The following DIP2C variants were observed in gnomAD, a reference collection of about 807,000 sequenced individuals.
DIP2C encodes DIP2 acetate--CoA ligase C (putative).
A neutral mutation model predicts 192.4 loss-of-function variants in DIP2C; 33 were observed. The observed-to-expected ratio is 0.17, with a 90% CI of 0.13 to 0.23. The LOEUF (loss-of-function observed/expected upper bound fraction) is 0.23, where lower values mean the gene tolerates loss of function less well. Among genes scored for constraint, DIP2C ranks in the 10% least tolerant of loss-of-function variants. The pLI, the probability that DIP2C is intolerant of heterozygous loss-of-function variation, is 1.00. For missense variants in DIP2C, 1,537 were observed against 2,110.1 expected (o/e 0.73, Z 5.32); for synonymous variants, 979 against 864.1 (o/e 1.13, Z -2.33).
chr10:457,243 T>C (rs1006797979), intron 3 of DIP2C, among the ~76,000 whole-genome samples: 4 of 152,240 alleles, frequency 2.6e-5, no homozygotes, highest in East Asian at 1.9e-4. Context: ...CTTTTTATTA[T>C]TGTCTCACTT....
chr10:505,451 T>TG (rs1554884487), intron 1 of DIP2C, among the ~76,000 whole-genome samples: 36 of 152,316 alleles, frequency 2.4e-4, no homozygotes, highest in African/African-American at 7.9e-4. Flanking sequence ...ATTAACCCCC[T>TG]GCCTGAGGCT....
chr10:361,458 C>T (rs1424909515), intron 22 of DIP2C, among the ~76,000 whole-genome samples: 1 of 152,178 alleles, frequency 6.6e-6, no homozygotes. Context: ...TGAGCCGAGC[C>T]CTGTAGCTAT....
At chr10:304,725 G>A (rs545587014) in intron 32 of DIP2C, among the ~76,000 whole-genome samples, 4 of 148,584 alleles carry the variant, frequency 2.7e-5, no homozygotes, top group Admixed American at 6.8e-5. Context: ...ATGCACACAC[G>A]TACACATGTA....
At chr10:648,631 A>G (rs1002972517) in intron 1 of DIP2C, among the ~76,000 whole-genome samples, 2 of 151,420 alleles carry the variant, frequency 1.3e-5, no homozygotes, top group African/African-American at 4.9e-5. Context: ...GAACAGAGGG[A>G]AACTGAGTCC....
chr10:659,592 C>A (rs1253166974), intron 1 of DIP2C, among the ~76,000 whole-genome samples: 3 of 152,202 alleles, frequency 2.0e-5, no homozygotes, highest in South Asian at 4.1e-4. Flanking sequence ...GGCACACATG[C>A]CTGAAGACCC....
At chr10:622,957 G>A (rs1588625294) in intron 1 of DIP2C, among the ~76,000 whole-genome samples, 1 of 152,234 alleles carries the variant, frequency 6.6e-6, no homozygotes, top group Non-Finnish European at 1.5e-5. Flanking sequence ...CCCAGCTTCA[G>A]CCTGATGGCT....
chr10:500,113 G>A (rs982470459), intron 1 of DIP2C, among the ~76,000 whole-genome samples: 32 of 152,372 alleles, frequency 2.1e-4, no homozygotes, highest in African/African-American at 7.5e-4. Flanking sequence ...CACAGCAGAT[G>A]TGGGTTCAGC....
At chr10:674,590 T>C (rs541215167) in intron 1 of DIP2C, among the ~76,000 whole-genome samples, 2 of 151,766 alleles carry the variant, frequency 1.3e-5, no homozygotes, top group East Asian at 3.9e-4. Flanking sequence ...GCCAACATGG[T>C]AAAGCCCTGT....
chr10:577,354 C>CA (rs1339671773), intron 1 of DIP2C, among the ~76,000 whole-genome samples: 1 of 152,186 alleles, frequency 6.6e-6, no homozygotes, highest in Non-Finnish European at 1.5e-5. Flanking sequence ...GAAATAAAGG[C>CA]AAAAATAAGC....
chr10:469,312 C>T lies in DIP2C; in HGVS notation c.268+3127G>A, dbSNP rs555239598. On this transcript the variant is annotated intron_variant, in intron 3 of 36. Coordinates refer to ENST00000280886, the MANE Select transcript of DIP2C (RefSeq NM_014974.3). ...GAGCATTTCTCAAATCTCACTGGTA[C>T]TGATTTTTTTTTTTTTTTTTTTGAG... Among the ~76,000 whole-genome samples the T allele has an allele frequency of 2.9e-4, 36 of 125,190 alleles. No individual in the cohort carries two copies. The East Asian group carries it at 7.8e-3, about 27-fold the overall frequency. The allele number at this position is 125,190 out of a possible 152,430, so 82.1% of individuals were successfully genotyped here.
intron 7 of DIP2C, among the ~76,000 whole-genome samples, chr10:414,729 G>GTA (rs1373768409): frequency 4.3e-5 from 3 of 69,258 alleles, no homozygotes; most frequent in Non-Finnish European, 5.7e-5. Flanking sequence ...GTGTGTGTGT[G>GTA]TGTGTGTGTG....
intron 1 of DIP2C, among the ~76,000 whole-genome samples, chr10:587,606 C>T (rs543760045): frequency 3.3e-5 from 5 of 152,050 alleles, no homozygotes; most frequent in South Asian, 2.1e-4. Context: ...CCACACCAGG[C>T]ACTGCCTCAG....
chr10:680,589 C>T (rs1325732921), intron 1 of DIP2C, among the ~76,000 whole-genome samples: 1 of 152,218 alleles, frequency 6.6e-6, no homozygotes, highest in African/African-American at 2.4e-5. Context: ...TTCAGGTAAA[C>T]TGGCCCACAC....
In DIP2C at chr10:624,332, G is replaced by A. The variant is rs540293117; in HGVS notation, c.85+65162C>T. 2.0e-5 allele frequency among the ~76,000 whole-genome samples: 3 copies of A among 152,314 alleles called. No individual in the cohort carries two copies. In the South Asian group the frequency reaches 6.2e-4, roughly 32 times the overall value. On this transcript the variant is annotated intron_variant, in intron 1 of 36. Coordinates refer to ENST00000280886, the MANE Select transcript of DIP2C (RefSeq NM_014974.3). Reference sequence around the variant, plus strand: ...TGGCTGCAGATGGGGCCCTCACGCTGCAGGTGGGACCGTCTAGGGGAGCCC... The same window carrying A: ...TGGCTGCAGATGGGGCCCTCACGCTACAGGTGGGACCGTCTAGGGGAGCCC...
intron 3 of DIP2C, among the ~76,000 whole-genome samples, chr10:467,361 T>TCA (rs1219207094): frequency 8.6e-6 from 1 of 116,002 alleles, no homozygotes; most frequent in East Asian, 2.9e-4. Flanking sequence ...AAGGGGAATA[T>TCA]CACACTCTGG....
chr10:292,928 C>T (rs1032170607), intron 32 of DIP2C, among the ~76,000 whole-genome samples: 9 of 152,348 alleles, frequency 5.9e-5, no homozygotes, highest in Admixed American at 3.3e-4. Flanking sequence ...CCTGGCAGCA[C>T]CCGCTAGCTG....
intron 4 of DIP2C, among the ~76,000 whole-genome samples, chr10:433,037 G>A (rs116359330): frequency 1.2e-4 from 19 of 152,220 alleles, no homozygotes; most frequent in African/African-American, 3.9e-4. Flanking sequence ...GGACCAAAAC[G>A]TGGTATATCA....
At chr10:340,990 C>T (rs1958117970) in intron 29 of DIP2C, 1 of 706,260 alleles carries the variant, frequency 1.4e-6, no homozygotes, top group Non-Finnish European at 2.5e-6. Context: ...TGCTCCTTCC[C>T]TGCTGCAGAA....
chr10:616,693 A>G (rs1472024662), intron 1 of DIP2C, among the ~76,000 whole-genome samples: 1 of 152,224 alleles, frequency 6.6e-6, no homozygotes, highest in East Asian at 1.9e-4. Flanking sequence ...CTACAAATGC[A>G]AATTCCCTCC....
Sources: gnomAD v4.1 joint callset for allele counts (sites outside exome capture counted in the v4.1 genomes callset) on GRCh38, gnomAD v4.1.1 for gene constraint, MANE v1.5 for transcripts, NCBI Gene and HGNC (gene_info 2026-07-23, HGNC 2026-07-21) for gene names.